The following CRISP1 variants were observed in gnomAD, a reference collection of about 807,000 sequenced individuals.
The protein encoded by CRISP1 is cysteine rich secretory protein 1.
CRISP1 carries 44 observed loss-of-function variants against 33.1 expected under a neutral mutation model. The ratio of observed to expected loss-of-function variants is 1.33; its 90% CI spans 1.05 to 1.71. The LOEUF is 1.71. Among genes scored for constraint, CRISP1 ranks in the 40% most tolerant of loss-of-function variants. The pLI is 0.00. For missense variants in CRISP1, 390 were observed against 301.2 expected (o/e 1.29, Z -2.18); for synonymous variants, 103 against 98.7 (o/e 1.04, Z -0.26).
intron 1 of CRISP1, among the ~76,000 whole-genome samples, chr6:49,863,541 A>G (rs907355602): frequency 4.6e-5 from 7 of 152,212 alleles, no homozygotes; most frequent in African/African-American, 1.7e-4. Flanking sequence ...AGATAATAAT[A>G]CCAGCAACTT....
intron 1 of CRISP1, among the ~76,000 whole-genome samples, chr6:49,864,060 C>A (rs1359553662): frequency 6.6e-6 from 1 of 152,146 alleles, no homozygotes; most frequent in Admixed American, 6.6e-5. Flanking sequence ...CCCTTTCAGT[C>A]TGAAGCCCTC....
chr6:49,874,856 CA>C (rs1772002503), intron 1 of CRISP1, among the ~76,000 whole-genome samples: 1 of 151,910 alleles, frequency 6.6e-6, no homozygotes, highest in Non-Finnish European at 1.5e-5. Context: ...AAGAAAACCA[CA>C]TCCCATTCAT....
chr6:49,863,816 C>G (rs1047760091), intron 1 of CRISP1, among the ~76,000 whole-genome samples: 3 of 152,214 alleles, frequency 2.0e-5, no homozygotes, highest in African/African-American at 7.2e-5. Context: ...AAAGAATTAA[C>G]TCTACAAAGA....
At chr6:49,851,460 A>G (rs1771342465) in intron 3 of CRISP1, among the ~76,000 whole-genome samples, 1 of 152,176 alleles carries the variant, frequency 6.6e-6, no homozygotes, top group African/African-American at 2.4e-5. Context: ...ATGCAATGAA[A>G]CTGGGGGATA....
upstream of CRISP1, among the ~76,000 whole-genome samples, chr6:49,867,494 G>C (rs748749527): frequency 6.4e-4 from 98 of 152,008 alleles, no homozygotes; most frequent in Non-Finnish European, 6.0e-4. Flanking sequence ...ATATCTAAAA[G>C]GAAAGAGTAA....
chr6:49,847,876 T>A (rs1351287010), intron 4 of CRISP1, among the ~76,000 whole-genome samples: 1 of 152,104 alleles, frequency 6.6e-6, no homozygotes, highest in African/African-American at 2.4e-5. Flanking sequence ...TATTGTTCAG[T>A]AGCTATAGTA....
intron 1 of CRISP1, among the ~76,000 whole-genome samples, chr6:49,865,477 T>A (rs1433613397): frequency 2.0e-5 from 3 of 152,208 alleles, no homozygotes; most frequent in Non-Finnish European, 4.4e-5. Context: ...TGTGCAGTCA[T>A]ATTTCTTCCA....
chr6:49,840,107 C>T (rs1770935355), intron 6 of CRISP1, among the ~76,000 whole-genome samples: 1 of 152,120 alleles, frequency 6.6e-6, no homozygotes, highest in Non-Finnish European at 1.5e-5. Flanking sequence ...CTTTTATCAG[C>T]AGAAGTGCAG....
chr6:49,858,395 A>C (rs1377107932), intron 1 of CRISP1, among the ~76,000 whole-genome samples: 1 of 152,172 alleles, frequency 6.6e-6, no homozygotes, highest in South Asian at 2.1e-4. Flanking sequence ...TTTGGTTCTC[A>C]TTTTACAAAA....
intron 6 of CRISP1, among the ~76,000 whole-genome samples, chr6:49,838,832 G>C (rs547207958): frequency 6.6e-6 from 1 of 152,138 alleles, no homozygotes; most frequent in Non-Finnish European, 1.5e-5. Context: ...GGACTCACAA[G>C]CAAGAGGGCT....
At position 49,872,634 on chromosome 6, in the gene CRISP1, C is replaced by G. The variant is rs1041264527; in HGVS notation, c.-3+4375G>C. Among the ~76,000 whole-genome samples the G allele has an allele frequency of 1.6e-4, 24 of 152,112 alleles. No individual in the cohort carries two copies. The South Asian group carries it at 2.5e-3, about 16-fold the overall frequency. ...TTCTACATATGGCTAGCCAGTTTTC[C>G]CAGCACCATTTATTAAATAGGGAAT... On this transcript the variant is annotated intron_variant, in intron 1 of 7. Transcript: ENST00000505118.
At chr6:49,865,457 T>C (rs1771776426) in intron 1 of CRISP1, among the ~76,000 whole-genome samples, 1 of 152,202 alleles carries the variant, frequency 6.6e-6, no homozygotes, top group South Asian at 2.1e-4. Context: ...TTATCTGATA[T>C]TATTTGAAGT....
At chr6:49,872,133 G>C (rs985075315) in intron 1 of CRISP1, among the ~76,000 whole-genome samples, 3 of 152,114 alleles carry the variant, frequency 2.0e-5, no homozygotes, top group Non-Finnish European at 4.4e-5. Flanking sequence ...TTTTGATTTG[G>C]ATTTCTCTGA....
In CRISP1 at chr6:49,864,140, A is replaced by T. The variant is rs1329305476; in HGVS notation, c.-3+2289T>A. On this transcript the variant is annotated intron_variant, in intron 1 of 7. Coordinates refer to ENST00000335847, the MANE Select transcript of CRISP1 (RefSeq NM_001131.3). ...TTTTTAAACTTTGAATAAGTGAAAT[A>T]TCTATTTTTAATGTCTAACCTTTTT... 3.9e-5 allele frequency among the ~76,000 whole-genome samples: 6 copies of T among 152,266 alleles called. No homozygotes were observed. In the East Asian group the frequency reaches 1.2e-3, roughly 29 times the overall value.
chr6:49,846,449 T>C lies in CRISP1; in HGVS notation c.435+71A>G, dbSNP rs567606878. On this transcript the variant is annotated intron_variant, in intron 5 of 7. Transcript: ENST00000335847. ...AAGAAGGTAGAATGATTTTCAGTTG[T>C]TTCTTAGTTACGTTTCCACACACAT... 2.1e-5 allele frequency: 30 copies of C among 1,463,064 alleles called. No homozygotes were observed. The African/African-American group carries it at 3.7e-4, about 18-fold the overall frequency. The allele number at this position is 1,463,064 out of a possible 1,614,324, so 90.6% of individuals were successfully genotyped here. A position where few individuals can be genotyped will look rare whatever the true frequency, so the allele number is the denominator to read the frequency against.
chr6:49,854,387 G>A (rs919032339), intron 2 of CRISP1, among the ~76,000 whole-genome samples: 4 of 151,686 alleles, frequency 2.6e-5, no homozygotes, highest in Non-Finnish European at 5.9e-5. Flanking sequence ...CTCTTTTTTT[G>A]AGAAGAAGTC....
intron 1 of CRISP1, among the ~76,000 whole-genome samples, chr6:49,858,481 C>T (rs1008351963): frequency 1.3e-5 from 2 of 152,146 alleles, no homozygotes; most frequent in Non-Finnish European, 1.5e-5. Flanking sequence ...TGCTTTTTCA[C>T]CCAATGATGT....
intron 1 of CRISP1, among the ~76,000 whole-genome samples, chr6:49,859,313 C>T (rs1186588307): frequency 6.6e-6 from 1 of 151,830 alleles, no homozygotes; most frequent in East Asian, 1.9e-4. Context: ...ATCCACATCT[C>T]TGGAGCCACA....
intron 1 of CRISP1, among the ~76,000 whole-genome samples, chr6:49,874,265 TTA>T (rs1309311350): frequency 2.0e-5 from 3 of 152,046 alleles, no homozygotes; most frequent in Non-Finnish European, 4.4e-5. Context: ...ACTAAAACAG[TTA>T]TATAGTTTCT....
Sources: allele counts gnomAD v4.1 joint callset (sites outside exome capture counted in the v4.1 genomes callset), GRCh38; gene constraint gnomAD v4.1.1; transcripts MANE v1.5; gene names NCBI Gene and HGNC (gene_info 2026-07-23, HGNC 2026-07-21).